The following ESR1 variants were observed in gnomAD, a reference collection of about 807,000 sequenced individuals.
ESR1 encodes estrogen receptor 1.
Under a neutral mutation model 52.7 loss-of-function variants are expected in ESR1, and 12 were observed. The observed-to-expected ratio is 0.23, with a 90% CI of 0.15 to 0.37. ESR1 has a LOEUF of 0.37. Among genes scored for constraint, ESR1 ranks in the 10% least tolerant of loss-of-function variants. The pLI, the probability that ESR1 is intolerant of heterozygous loss-of-function variation, is 1.00. For missense variants in ESR1, 584 were observed against 779.7 expected (o/e 0.75, Z 2.99); for synonymous variants, 305 against 316.8 (o/e 0.96, Z 0.39).
intron 2 of ESR1, among the ~76,000 whole-genome samples, chr6:151,725,473 C>T (rs772415285): frequency 2.6e-5 from 4 of 152,112 alleles, no homozygotes; most frequent in Non-Finnish European, 4.4e-5. Flanking sequence ...TATAGAGTTT[C>T]TTGGTAAAGT....
chr6:151,944,814 T>C (rs1368674930), intron 4 of ESR1, among the ~76,000 whole-genome samples: 1 of 152,234 alleles, frequency 6.6e-6, no homozygotes, highest in Non-Finnish European at 1.5e-5. Context: ...TAATAGTGTA[T>C]GTTCACAGTA....
chr6:151,761,279 T>C (rs1425700171), intron 2 of ESR1, among the ~76,000 whole-genome samples: 1 of 152,068 alleles, frequency 6.6e-6, no homozygotes, highest in Admixed American at 6.6e-5. Context: ...ATATATTAGA[T>C]ATTTAACTAA....
intron 2 of ESR1, among the ~76,000 whole-genome samples, chr6:151,735,966 G>A (rs528830609): frequency 1.2e-4 from 19 of 152,092 alleles, no homozygotes; most frequent in African/African-American, 3.6e-4. Context: ...CTCACCTGCC[G>A]CCATGTAAGA....
chr6:151,906,977 C>T (rs987679723), intron 3 of ESR1, among the ~76,000 whole-genome samples: 1 of 151,514 alleles, frequency 6.6e-6, no homozygotes, highest in Admixed American at 6.6e-5. Flanking sequence ...ATTGAATAAC[C>T]AAATTGTCCC....
chr6:152,059,685 G>T (rs1211573735), intron 5 of ESR1, among the ~76,000 whole-genome samples: 1 of 152,092 alleles, frequency 6.6e-6, no homozygotes, highest in African/African-American at 2.4e-5. Flanking sequence ...AAATACATAA[G>T]CCCTTTTATC....
At position 151,971,515 on chromosome 6, in the gene ESR1, ATGCAAAACCG is replaced by A. The variant is rs1282795878; in HGVS notation, c.1096+27010_1096+27019del. ...AATTCCATCCAGAACCCTCAAAACCATGCAAAACCGTGGAAACAAAATAGCCTGCTCCTGA... is the reference window on the plus strand; with the variant it reads ...AATTCCATCCAGAACCCTCAAAACCATGGAAACAAAATAGCCTGCTCCTGA... On this transcript the variant is annotated intron_variant, in intron 4 of 7. Transcript: ENST00000206249. 2.6e-5 allele frequency among the ~76,000 whole-genome samples: 4 copies of A among 152,292 alleles called. No individual in the cohort carries two copies. In the East Asian group the frequency reaches 7.7e-4, roughly 29 times the overall value.
chr6:151,703,519 A>G (rs1250645389), intron 2 of ESR1, among the ~76,000 whole-genome samples: 2 of 152,188 alleles, frequency 1.3e-5, no homozygotes, highest in Non-Finnish European at 2.9e-5. Flanking sequence ...TGTGAATCAC[A>G]GAAATGTTAA....
At chr6:151,941,407 C>G (rs532599236) in intron 3 of ESR1, among the ~76,000 whole-genome samples, 1 of 152,108 alleles carries the variant, frequency 6.6e-6, no homozygotes, top group Non-Finnish European at 1.5e-5. Context: ...AGTCCTCACA[C>G]GAAGTAGGGA....
chr6:151,913,299 A>C (rs1052984444), intron 3 of ESR1, among the ~76,000 whole-genome samples: 1 of 152,062 alleles, frequency 6.6e-6, no homozygotes, highest in African/African-American at 2.4e-5. Flanking sequence ...GGACACTTGT[A>C]TTGGGTTCCT....
At chr6:151,763,475 T>C (rs1784809547) in intron 2 of ESR1, among the ~76,000 whole-genome samples, 1 of 152,216 alleles carries the variant, frequency 6.6e-6, no homozygotes, top group Non-Finnish European at 1.5e-5. Context: ...TTATTGTTGC[T>C]GTAACTTTTT....
chr6:151,971,242 C>A (rs999741561), intron 4 of ESR1, among the ~76,000 whole-genome samples: 5 of 152,104 alleles, frequency 3.3e-5, no homozygotes, highest in African/African-American at 9.7e-5. Flanking sequence ...TGTTTGGTTA[C>A]ATGAATAAGT....
intron 1 of ESR1, among the ~76,000 whole-genome samples, chr6:151,828,527 G>T (rs553044161): frequency 6.6e-6 from 1 of 152,294 alleles, no homozygotes; most frequent in African/African-American, 2.4e-5. Flanking sequence ...TGGCAGATTT[G>T]GGAATGTCAT....
chr6:152,008,021 A>C (rs947117410), intron 4 of ESR1, among the ~76,000 whole-genome samples: 1 of 152,130 alleles, frequency 6.6e-6, no homozygotes, highest in Admixed American at 6.6e-5. Context: ...TAGTTGGCCC[A>C]ATATAATTTT....
chr6:151,769,856 T>G (rs1442426069), intron 2 of ESR1, among the ~76,000 whole-genome samples: 3 of 152,006 alleles, frequency 2.0e-5, no homozygotes, highest in African/African-American at 7.2e-5. Context: ...CATAATGGTA[T>G]ATGGAAGAGT....
intron 2 of ESR1, among the ~76,000 whole-genome samples, chr6:151,706,337 C>G (rs889663995): frequency 2.0e-5 from 3 of 152,200 alleles, no homozygotes; most frequent in Non-Finnish European, 2.9e-5. Flanking sequence ...CTTCAACTGA[C>G]TTTGGCAACA....
chr6:151,972,365 C>G (rs1169790627), intron 4 of ESR1, among the ~76,000 whole-genome samples: 1 of 152,028 alleles, frequency 6.6e-6, no homozygotes, highest in Non-Finnish European at 1.5e-5. Flanking sequence ...AAAACTACAG[C>G]CCAATATCCC....
At chr6:151,995,968 T>G (rs1450148513) in intron 4 of ESR1, among the ~76,000 whole-genome samples, 1 of 152,198 alleles carries the variant, frequency 6.6e-6, no homozygotes, top group African/African-American at 2.4e-5. Flanking sequence ...GTCTCCACTA[T>G]GAAGTAGCTG....
chr6:151,764,928 T>C (rs1784932443), intron 2 of ESR1, among the ~76,000 whole-genome samples: 1 of 152,132 alleles, frequency 6.6e-6, no homozygotes, highest in Non-Finnish European at 1.5e-5. Flanking sequence ...TGCTGTACAA[T>C]AGAAAAATAG....
chr6:151,801,030 A>G (rs1202536407), upstream of ESR1, among the ~76,000 whole-genome samples: 1 of 144,524 alleles, frequency 6.9e-6, no homozygotes, highest in Non-Finnish European at 1.5e-5. Flanking sequence ...GAAATTGGGG[A>G]TGGTTCTTGG....
Sources: allele counts gnomAD v4.1 joint callset (sites outside exome capture counted in the v4.1 genomes callset), GRCh38; gene constraint gnomAD v4.1.1; transcripts MANE v1.5; gene names NCBI Gene and HGNC (gene_info 2026-07-23, HGNC 2026-07-21).